The following ZNF562 variants were observed in gnomAD, a reference collection of about 807,000 sequenced individuals.
The protein encoded by ZNF562 is zinc finger protein 562.
Under a neutral mutation model 17.5 loss-of-function variants are expected in ZNF562, and 13 were observed. That is an observed-to-expected ratio of 0.74 (90% CI 0.48 to 1.18). ZNF562 has a LOEUF of 1.18. Ranked by LOEUF, ZNF562 falls within the 50% of genes most tolerant of loss-of-function variation. The pLI, the probability that ZNF562 is intolerant of heterozygous loss-of-function variation, is 0.00. For synonymous variants in ZNF562, 163 were observed against 165.4 expected (o/e 0.99, Z 0.11); for missense variants, 481 against 498.5 (o/e 0.96, Z 0.33).
chr19:9,661,293 G>A (rs888175980), intron 1 of ZNF562, among the ~76,000 whole-genome samples: 1 of 152,042 alleles, frequency 6.6e-6, no homozygotes, highest in African/African-American at 2.4e-5. Context: ...GGGACCACAG[G>A]TGTGCATCGT....
At chr19:9,669,717 AGCGC>A (rs3074896) in intron 1 of ZNF562, among the ~76,000 whole-genome samples, 1,261 of 98,906 alleles carry the variant, frequency 0.013, 17 homozygotes, top group African/African-American at 0.034. Flanking sequence ...CACGCGCGCG[AGCGC>A]GCGCGCGCGC....
In ZNF562 at chr19:9,646,225, C is replaced by G. The variant is rs536638173; in HGVS notation, c.*6724G>C. Reference sequence around the variant, plus strand: ...TAGCTGGCATTACAGGCATGCACCACTAGGCACAGCTAATTTTGTATTTTT... The same window carrying G: ...TAGCTGGCATTACAGGCATGCACCAGTAGGCACAGCTAATTTTGTATTTTT... On this transcript the variant is annotated 3_prime_UTR_variant, in exon 6 of 6. Transcript: ENST00000453372. 6.6e-6 allele frequency: 1 copy of G among 152,014 alleles called. No individual in the cohort carries two copies. Among genetic ancestry groups the G allele is most frequent in the African/African-American group, 2.4e-5 (1 of 41,370 alleles). 9.4% of individuals were successfully genotyped at this position (152,014 alleles called of 1,614,324 possible).
intron 1 of ZNF562, among the ~76,000 whole-genome samples, chr19:9,669,730 GCGCGCACACACACACACACACA>G (rs2044095485): frequency 1.2e-5 from 1 of 86,946 alleles, no homozygotes; most frequent in Non-Finnish European, 2.4e-5. Context: ...GCGCGCGCGC[GCGCGCACACACACACACACACA>G]CACACACACA....
chr19:9,656,871 A>AAAAAAAAAATATAT (rs376933513), intron 4 of ZNF562, among the ~76,000 whole-genome samples: 1 of 142,434 alleles, frequency 7.0e-6, no homozygotes, highest in African/African-American at 2.6e-5. Flanking sequence ...AAAATACAAA[A>AAAAAAAAAATATAT]ATATATATAT....
rs562633479 is a variant in ZNF562, at chr19:9,655,150, C to G, written c.349-1269G>C. 1.0e-3 allele frequency among the ~76,000 whole-genome samples: 154 copies of G among 151,868 alleles called. 1 individual carries two copies. The highest frequency in any genetic ancestry group is 1.7e-3 in the Non-Finnish European group (116 of 67,942). On this transcript the variant is annotated intron_variant, in intron 5 of 5. Transcript: ENST00000453372. ...GGATTACAGGTGCATGCCAACGTGC[C>G]CGGCTAATTTTTTATTTTTTTGTAG...
At chr19:9,671,916 T>A (rs1046496658) in intron 1 of ZNF562, among the ~76,000 whole-genome samples, 1 of 152,216 alleles carries the variant, frequency 6.6e-6, no homozygotes, top group Non-Finnish European at 1.5e-5. Flanking sequence ...AACTGAGTAA[T>A]TTGAGACTTT....
At chr19:9,669,129 A>G (rs1361949669) in intron 1 of ZNF562, among the ~76,000 whole-genome samples, 1 of 152,198 alleles carries the variant, frequency 6.6e-6, no homozygotes, top group South Asian at 2.1e-4. Flanking sequence ...ACATCAAGCT[A>G]AAAAGCTTCT....
At chr19:9,661,758 G>A (rs1040656153) in intron 1 of ZNF562, among the ~76,000 whole-genome samples, 3 of 152,066 alleles carry the variant, frequency 2.0e-5, no homozygotes, top group South Asian at 2.1e-4. Context: ...CTGTGCCATC[G>A]CACTCCAGCC....
Position 9,652,921 on chromosome 19 carries a change from C to G in ZNF562, c.*28G>C. On this transcript the variant is annotated 3_prime_UTR_variant, in exon 6 of 6. Coordinates refer to ENST00000453372, the MANE Select transcript of ZNF562 (RefSeq NM_001130031.2). The stretch of plus-strand genomic sequence containing the variant: ...GAGTTCACAGGTGGGGTGAGGAATA[C>G]AGAAATTCTTTCCCACATATCTTGC... The G allele has an allele frequency of 6.8e-7, 1 of 1,469,964 alleles. No individual in the cohort carries two copies. Among genetic ancestry groups the G allele is most frequent in the Non-Finnish European group, 9.0e-7 (1 of 1,109,960 alleles). 91.1% of individuals were successfully genotyped at this position (1,469,964 alleles called of 1,614,324 possible).
rs1288614442 is a variant in ZNF562 at position 9,659,440 on chromosome 19, G to A, written c.53C>T (p.Pro18Leu). The change falls in exon 3 of 6, where the codon CCT (proline) becomes CTT (leucine). Residue 18 changes from proline (P) to leucine (L), a missense_variant. Transcript: ENST00000453372. Reference sequence around the variant, plus strand: ...TCCTATCTTTGTCTTTTCTTCAAAAGGACAGATTGGTTCCCTGGGAAAAAA... The same window carrying A: ...TCCTATCTTTGTCTTTTCTTCAAAAAGACAGATTGGTTCCCTGGGAAAAAA... ...HGFFPREPIC[P>L]FEEKTKIGTM... is the part of the protein sequence containing the mutation. 1.3e-6 allele frequency: 2 copies of A among 1,551,282 alleles called. No individual in the cohort carries two copies. The highest frequency in any genetic ancestry group is 2.7e-5 in the African/African-American group (2 of 73,038).
At chr19:9,661,761 C>T (rs900852339) in intron 1 of ZNF562, among the ~76,000 whole-genome samples, 9 of 152,094 alleles carry the variant, frequency 5.9e-5, no homozygotes, top group African/African-American at 2.2e-4. Flanking sequence ...TGCCATCGCA[C>T]TCCAGCCCAG....
rs1375250332 is a variant in ZNF562 at position 9,648,186 on chromosome 19, T to C, written c.*4763A>G. 1.3e-5 allele frequency: 2 copies of C among 152,224 alleles called. No homozygotes were observed. Among genetic ancestry groups the C allele is most frequent in the East Asian group, 3.8e-4 (2 of 5,208 alleles). 9.4% of individuals were successfully genotyped at this position (152,224 alleles called of 1,614,324 possible). ...TATTCAAACATAGCTCCATAACATA[T>C]TAGTAAAGGTCATGAAGTATTTTTA... On this transcript the variant is annotated 3_prime_UTR_variant, in exon 6 of 6. Coordinates refer to ENST00000453372, the MANE Select transcript of ZNF562 (RefSeq NM_001130031.2).
In ZNF562 at chr19:9,668,560, A is replaced by T. The variant is rs183006983; in HGVS notation, c.-131+6455T>A. 5.9e-5 allele frequency among the ~76,000 whole-genome samples: 9 copies of T among 152,310 alleles called. No individual in the cohort carries two copies. In the South Asian group the frequency reaches 1.9e-3, roughly 32 times the overall value. On this transcript the variant is annotated intron_variant, in intron 1 of 5. Transcript: ENST00000453372. ...CTACCCAAAGCAATTTACAATTAAGAGCAACCGTTATCAAAATAGCAATGA... is the reference window on the plus strand; with the variant it reads ...CTACCCAAAGCAATTTACAATTAAGTGCAACCGTTATCAAAATAGCAATGA...
At position 9,645,194 on chromosome 19, in the gene ZNF562, G is replaced by A. The variant is rs2074798479; in HGVS notation, c.*7755C>T. 6.6e-6 allele frequency: 1 copy of A among 151,996 alleles called. No homozygotes were observed. Among genetic ancestry groups the A allele is most frequent in the Non-Finnish European group, 1.5e-5 (1 of 68,032 alleles). 9.4% of individuals were successfully genotyped at this position (151,996 alleles called of 1,614,324 possible). ...CCCAAGTAGCTGGGACTACAGGTGA[G>A]TGCCACCACACCCAGCTAATTTTTG... On this transcript the variant is annotated 3_prime_UTR_variant, in exon 6 of 6. Transcript: ENST00000453372.
chr19:9,645,006 G>C lies in ZNF562; in HGVS notation c.*7943C>G, dbSNP rs1363001287. The C allele has an allele frequency of 6.6e-6, 1 of 152,034 alleles. No individual in the cohort carries two copies. The highest frequency in any genetic ancestry group is 1.5e-5 in the Non-Finnish European group (1 of 68,058). The allele number at this position is 152,034 out of a possible 1,614,324, so 9.4% of individuals were successfully genotyped here. A position where few individuals can be genotyped will look rare whatever the true frequency, so the allele number is the denominator to read the frequency against. On this transcript the variant is annotated 3_prime_UTR_variant, in exon 6 of 6. Coordinates refer to ENST00000453372, the MANE Select transcript of ZNF562 (RefSeq NM_001130031.2). ...TTCAAATCTTGATTTTCTCATTGCA[G>C]CTCATAGTGGGAGATGCCCAGTCTC...
intron 1 of ZNF562, 149 bp from the exon 2 acceptor site, chr19:9,661,023 C>T (rs2043715299): frequency 5.8e-6 from 2 of 345,212 alleles, no homozygotes; most frequent in Non-Finnish European, 1.1e-5. Flanking sequence ...TTAATAACAG[C>T]AACTGACATT....
chr19:9,669,721 C>T (rs1203096586), intron 1 of ZNF562, among the ~76,000 whole-genome samples: 173 of 86,094 alleles, frequency 2.0e-3, no homozygotes, highest in African/African-American at 7.1e-3. Flanking sequence ...CGCGCGAGCG[C>T]GCGCGCGCGC....
rs1438696174 is a variant in ZNF562, at chr19:9,650,117, G to C, written c.*2832C>G. On this transcript the variant is annotated 3_prime_UTR_variant, in exon 6 of 6. Transcript: ENST00000453372. ...AGCCTACAGCCAAACCAACAAAATAGAGTGCATATCTCACCAGAACTGCAA... is the reference window on the plus strand; with the variant it reads ...AGCCTACAGCCAAACCAACAAAATACAGTGCATATCTCACCAGAACTGCAA... The C allele has an allele frequency of 6.6e-6, 1 of 152,058 alleles. No individual in the cohort carries two copies. The highest frequency in any genetic ancestry group is 1.5e-5 in the Non-Finnish European group (1 of 68,032). 9.4% of individuals were successfully genotyped at this position (152,058 alleles called of 1,614,324 possible).
chr19:9,645,602 G>T lies in ZNF562; in HGVS notation c.*7347C>A, dbSNP rs1334469116. Reference sequence around the variant, plus strand: ...AGCAAGGACTGGCTCACATAAAAAGGAGAGAGATTGCACCTTCAGAGAGTA... The same window carrying T: ...AGCAAGGACTGGCTCACATAAAAAGTAGAGAGATTGCACCTTCAGAGAGTA... On this transcript the variant is annotated 3_prime_UTR_variant, in exon 6 of 6. Coordinates refer to ENST00000453372, the MANE Select transcript of ZNF562 (RefSeq NM_001130031.2). 6.6e-6 allele frequency: 1 copy of T among 152,152 alleles called. No homozygotes were observed. Among genetic ancestry groups the T allele is most frequent in the Non-Finnish European group, 1.5e-5 (1 of 68,030 alleles). The allele number at this position is 152,152 out of a possible 1,614,324, so 9.4% of individuals were successfully genotyped here. A position where few individuals can be genotyped will look rare whatever the true frequency, so the allele number is the denominator to read the frequency against.
Sources: gnomAD v4.1 joint callset for allele counts (sites outside exome capture counted in the v4.1 genomes callset) on GRCh38, gnomAD v4.1.1 for gene constraint, MANE v1.5 for transcripts, NCBI Gene and HGNC (gene_info 2026-07-23, HGNC 2026-07-21) for gene names.